The following ARG2 variants were observed in gnomAD, a reference collection of about 807,000 sequenced individuals.
ARG2 encodes arginase-2, mitochondrial.
Under a neutral mutation model 39.4 loss-of-function variants are expected in ARG2, and 21 were observed. The observed-to-expected ratio is 0.53, with a 90% CI of 0.38 to 0.77. ARG2 has a LOEUF of 0.77. Among genes scored for constraint, ARG2 ranks in the 30% least tolerant of loss-of-function variants. The probability of loss-of-function intolerance (pLI) is 0.00; values close to 1 mark genes in which losing one functional copy is unlikely to be tolerated. For missense variants in ARG2, 378 were observed against 426.2 expected (o/e 0.89, Z 1.00); for synonymous variants, 150 against 156.7 (o/e 0.96, Z 0.32).
At chr14:67,635,955 A>T (rs1367218918) in intron 2 of ARG2, among the ~76,000 whole-genome samples, 1 of 152,196 alleles carries the variant, frequency 6.6e-6, no homozygotes. Flanking sequence ...AAAAGCCATT[A>T]GTACCCTCTC....
At chr14:67,620,744 T>G (rs1301755959) in intron 1 of ARG2, 150 bp from the exon 2 acceptor site, 3 of 718,926 alleles carry the variant, frequency 4.2e-6, no homozygotes, top group African/African-American at 1.8e-5. Flanking sequence ...CTGATGTGAT[T>G]CCAACAATGG....
At chr14:67,645,014 AAT>A (rs1555381893) in intron 3 of ARG2, among the ~76,000 whole-genome samples, 29 of 150,826 alleles carry the variant, frequency 1.9e-4, no homozygotes, top group Middle Eastern at 3.4e-3. Flanking sequence ...AAAAAAAAAA[AAT>A]TGAATGCCAT....
At chr14:67,620,617 G>A (rs1046149354) in intron 1 of ARG2, among the ~76,000 whole-genome samples, 4 of 152,114 alleles carry the variant, frequency 2.6e-5, no homozygotes, top group African/African-American at 9.7e-5. Context: ...ACCTGCAGTC[G>A]GGAGCGCTCA....
chr14:67,623,073 CA>C (rs914834283), intron 2 of ARG2, among the ~76,000 whole-genome samples: 20 of 152,146 alleles, frequency 1.3e-4, no homozygotes, highest in African/African-American at 4.8e-4. Context: ...CTTTTTTTCT[CA>C]AATATATTTA....
intron 3 of ARG2, 138 bp from the exon 4 acceptor site, chr14:67,645,505 G>C: frequency 1.1e-6 from 1 of 894,536 alleles, no homozygotes; most frequent in Non-Finnish European, 1.6e-6. Context: ...TACAGGTCTT[G>C]CCTCACCCAA....
intron 2 of ARG2, among the ~76,000 whole-genome samples, chr14:67,636,649 C>G (rs1247182006): frequency 1.3e-5 from 2 of 152,234 alleles, no homozygotes; most frequent in African/African-American, 4.8e-5. Flanking sequence ...TCTTGTTCCA[C>G]TCTGATAGAG....
At chr14:67,647,952 C>A in intron 6 of ARG2, 95 bp from the exon 7 acceptor site, 1 of 1,255,606 alleles carries the variant, frequency 8.0e-7, no homozygotes. Context: ...CTAATAGCAA[C>A]AAAATCAAGG....
At position 67,648,150 on chromosome 14, in the gene ARG2, G is replaced by T. The variant is rs1199887158; in HGVS notation, c.826G>T (p.Gly276Cys). ...PVVGGLTYREGMYIAEEIHNT... is the reference protein window; with the variant it reads ...PVVGGLTYRECMYIAEEIHNT... ...TGTCGGGGGACTAACCTATCGAGAA[G>T]GCATGTATATTGCTGAGGAAATACA... The change falls in exon 7 of 8, where the codon GGC (glycine) becomes TGC (cysteine). Residue 276 changes from glycine (G) to cysteine (C), a missense_variant. By Grantham distance (159) the Gly-to-Cys change is radical. Coordinates refer to ENST00000261783, the MANE Select transcript of ARG2 (RefSeq NM_001172.4). 6.2e-7 allele frequency: 1 copy of T among 1,614,020 alleles called. No homozygotes were observed. The highest frequency in any genetic ancestry group is 1.7e-5 in the Admixed American group (1 of 60,010).
At chr14:67,630,223 A>G (rs1209346915) in intron 2 of ARG2, among the ~76,000 whole-genome samples, 1 of 152,242 alleles carries the variant, frequency 6.6e-6, no homozygotes, top group Non-Finnish European at 1.5e-5. Flanking sequence ...AATGGGTATC[A>G]TAGATAACAG....
intron 3 of ARG2, among the ~76,000 whole-genome samples, chr14:67,644,837 AAAT>A (rs1443902813): frequency 4.6e-5 from 7 of 152,056 alleles, no homozygotes; most frequent in Non-Finnish European, 1.0e-4. Context: ...TCTTTACTAA[AAAT>A]ACAAAAAATT....
chr14:67,628,620 C>T (rs758741073), intron 2 of ARG2, among the ~76,000 whole-genome samples: 13 of 152,316 alleles, frequency 8.5e-5, no homozygotes, highest in Middle Eastern at 3.4e-3. Context: ...CATTTACCAT[C>T]TTCTAGACAC....
intron 3 of ARG2, 80 bp from the exon 4 acceptor site, chr14:67,645,563 A>C: frequency 6.6e-7 from 1 of 1,504,288 alleles, no homozygotes; most frequent in East Asian, 2.3e-5. Context: ...AGAGAGTATA[A>C]GTTGTTTTGG....
intron 7 of ARG2, 77 bp from the exon 8 acceptor site, chr14:67,650,638 C>T: frequency 7.3e-7 from 1 of 1,371,466 alleles, no homozygotes; most frequent in Non-Finnish European, 1.0e-6. Context: ...GGCTTGTTCT[C>T]CCTGTCCCAG....
chr14:67,626,025 G>A (rs531701027), intron 2 of ARG2, among the ~76,000 whole-genome samples: 67 of 152,188 alleles, frequency 4.4e-4, no homozygotes, highest in African/African-American at 1.6e-3. Flanking sequence ...AGGCTGAGGC[G>A]GGCAGATCAT....
intron 2 of ARG2, among the ~76,000 whole-genome samples, chr14:67,639,343 A>G (rs1253420600): frequency 6.6e-6 from 1 of 152,170 alleles, no homozygotes; most frequent in Non-Finnish European, 1.5e-5. Flanking sequence ...TGGTCCTATG[A>G]GGATTGAATG....
At chr14:67,643,095 G>A (rs116139887) in intron 3 of ARG2, among the ~76,000 whole-genome samples, 4,144 of 152,184 alleles carry the variant, frequency 0.027, 177 homozygotes, top group African/African-American at 0.088. Flanking sequence ...GAGCCACTGT[G>A]CCCAGCTGTG....
rs1008622917 is a variant in ARG2 at position 67,645,725 on chromosome 14, AAC to A, written c.450_451del (p.Leu152TyrfsTer22). 4 of 1,613,880 alleles carry A rather than the reference AAC, an allele frequency of 2.5e-6. No homozygotes were observed. In the African/African-American group the frequency reaches 5.3e-5, roughly 22 times the overall value. On this transcript the variant is annotated frameshift_variant, in exon 4 of 8. Coordinates refer to ENST00000261783, the MANE Select transcript of ARG2 (RefSeq NM_001172.4). LOFTEE classifies it high-confidence loss of function. The stretch of plus-strand genomic sequence containing the variant: ...CTGGGTTGATGCCCATGCTGACATC[AAC>A]ACACCCCTTACCACTTCATCAGGAA... ...VVWVDAHADI[N>X]TPLTTSSGNL...
chr14:67,637,390 G>A (rs111272873), intron 2 of ARG2, among the ~76,000 whole-genome samples: 3,967 of 126,012 alleles, frequency 0.031, 208 homozygotes, highest in African/African-American at 0.11. Context: ...CAGCCTGAGC[G>A]ACAGAGCAAG....
Position 67,646,600 on chromosome 14 carries a change from A to T in ARG2, c.523-44A>T, listed in dbSNP as rs372118422. ...CGCACATGATAATGATCTTGGTGAG[A>T]ACAAGAATTCTTGATTAATCCTGTC... On this transcript the variant is annotated intron_variant, in intron 4 of 7. Coordinates refer to ENST00000261783, the MANE Select transcript of ARG2 (RefSeq NM_001172.4). 4.1e-6 allele frequency: 6 copies of T among 1,476,498 alleles called. No individual in the cohort carries two copies. In the African/African-American group the frequency reaches 7.0e-5, roughly 17 times the overall value. 91.5% of individuals were successfully genotyped at this position (1,476,498 alleles called of 1,614,324 possible).
Sources: gnomAD v4.1 joint callset for allele counts (sites outside exome capture counted in the v4.1 genomes callset) on GRCh38, gnomAD v4.1.1 for gene constraint, MANE v1.5 for transcripts, NCBI Gene and HGNC (gene_info 2026-07-23, HGNC 2026-07-21) for gene names.